The following KCNAB1 variants were observed in gnomAD, a reference collection of about 807,000 sequenced individuals.
KCNAB1 encodes the protein voltage-gated potassium channel subunit beta-1.
A neutral mutation model predicts 64.6 loss-of-function variants in KCNAB1; 35 were observed. That is an observed-to-expected ratio of 0.54 (90% CI 0.41 to 0.72). The LOEUF (loss-of-function observed/expected upper bound fraction) is 0.72. Among genes scored for constraint, KCNAB1 ranks in the 30% least tolerant of loss-of-function variants. The pLI is 0.00. For synonymous variants in KCNAB1, 177 were observed against 183.8 expected (o/e 0.96, Z 0.30); for missense variants, 401 against 512.9 (o/e 0.78, Z 2.11).
At chr3:156,431,169 A>G (rs774992546) in intron 2 of KCNAB1, among the ~76,000 whole-genome samples, 4 of 152,140 alleles carry the variant, frequency 2.6e-5, no homozygotes, top group Admixed American at 6.5e-5. Flanking sequence ...ACACTGCCCT[A>G]AAGGCTTCAC....
intron 1 of KCNAB1, among the ~76,000 whole-genome samples, chr3:156,370,063 C>G (rs964605487): frequency 1.3e-5 from 2 of 152,206 alleles, no homozygotes; most frequent in Non-Finnish European, 2.9e-5. Context: ...TTTCCACCCT[C>G]TGGACAGTTT....
At chr3:156,244,162 G>A (rs1405556270) in intron 1 of KCNAB1, among the ~76,000 whole-genome samples, 1 of 152,210 alleles carries the variant, frequency 6.6e-6, no homozygotes, top group African/African-American at 2.4e-5. Flanking sequence ...CTGGAGCTCA[G>A]TAGTCTAAAA....
chr3:156,221,073 T>G (rs1398052146), intron 1 of KCNAB1, among the ~76,000 whole-genome samples: 8 of 152,260 alleles, frequency 5.3e-5, no homozygotes, highest in Non-Finnish European at 1.2e-4. Flanking sequence ...TCCATTGGTC[T>G]ATATCTCTGT....
chr3:156,261,764 A>T (rs965236523), intron 1 of KCNAB1, among the ~76,000 whole-genome samples: 1 of 151,960 alleles, frequency 6.6e-6, no homozygotes, highest in Non-Finnish European at 1.5e-5. Context: ...GTTAATTTTT[A>T]CAAAAGCAGT....
chr3:156,212,622 C>A (rs1009010202), intron 1 of KCNAB1, among the ~76,000 whole-genome samples: 1 of 152,166 alleles, frequency 6.6e-6, no homozygotes, highest in African/African-American at 2.4e-5. Context: ...GATGACACTT[C>A]TGACTCCTAG....
At chr3:156,290,265 G>A (rs1303337468) in intron 1 of KCNAB1, among the ~76,000 whole-genome samples, 1 of 152,240 alleles carries the variant, frequency 6.6e-6, no homozygotes, top group Non-Finnish European at 1.5e-5. Flanking sequence ...TTGAGGAGGG[G>A]GACAGTGCTT....
chr3:156,239,081 A>G (rs1014511778), intron 1 of KCNAB1, among the ~76,000 whole-genome samples: 3 of 152,268 alleles, frequency 2.0e-5, no homozygotes, highest in Admixed American at 6.5e-5. Flanking sequence ...AAAAACCATA[A>G]TAAATTTGAA....
chr3:156,462,187 C>T (rs1712964277), intron 5 of KCNAB1, among the ~76,000 whole-genome samples: 1 of 152,244 alleles, frequency 6.6e-6, no homozygotes, highest in Non-Finnish European at 1.5e-5. Flanking sequence ...CTGTGGGAGT[C>T]AGTGACAATT....
intron 8 of KCNAB1, among the ~76,000 whole-genome samples, chr3:156,476,547 G>GCACA (rs1187608350): frequency 8.3e-6 from 1 of 120,874 alleles, no homozygotes; most frequent in East Asian, 2.6e-4. Flanking sequence ...ACACACACAC[G>GCACA]CACACACACA....
intron 6 of KCNAB1, among the ~76,000 whole-genome samples, chr3:156,464,709 G>A (rs944872531): frequency 6.6e-6 from 1 of 151,944 alleles, no homozygotes; most frequent in African/African-American, 2.4e-5. Flanking sequence ...ATGATATGAA[G>A]ACAGAAAGAT....
chr3:156,158,887 T>A (rs1228265627), intron 1 of KCNAB1, among the ~76,000 whole-genome samples: 5 of 152,190 alleles, frequency 3.3e-5, no homozygotes, highest in Admixed American at 1.3e-4. Flanking sequence ...ATTCTTTAGT[T>A]TTGATTGGAT....
chr3:156,140,745 A>G (rs1413120404), intron 1 of KCNAB1, among the ~76,000 whole-genome samples: 1 of 152,206 alleles, frequency 6.6e-6, no homozygotes, highest in Non-Finnish European at 1.5e-5. Context: ...CAGAAATCAC[A>G]AGGGGTGTGC....
At chr3:156,473,911 T>C (rs1714139413) in intron 7 of KCNAB1, among the ~76,000 whole-genome samples, 1 of 152,172 alleles carries the variant, frequency 6.6e-6, no homozygotes, top group Non-Finnish European at 1.5e-5. Context: ...TTGCATAATA[T>C]TATATACAAT....
intron 11 of KCNAB1, among the ~76,000 whole-genome samples, chr3:156,517,377 A>T (rs1717629655): frequency 6.6e-6 from 1 of 152,232 alleles, no homozygotes; most frequent in South Asian, 2.1e-4. Flanking sequence ...ATACAACATG[A>T]ATACGTCCTA....
At chr3:156,464,636 A>G (rs375223400) in intron 6 of KCNAB1, among the ~76,000 whole-genome samples, 2 of 152,158 alleles carry the variant, frequency 1.3e-5, no homozygotes, top group East Asian at 1.9e-4. Context: ...CAAAATGTCT[A>G]TGTGTATATA....
At chr3:156,491,346 A>G (rs1715614931) in intron 8 of KCNAB1, among the ~76,000 whole-genome samples, 1 of 152,116 alleles carries the variant, frequency 6.6e-6, no homozygotes, top group African/African-American at 2.4e-5. Context: ...TTGCCAGGAA[A>G]ACAAAAAGGA....
chr3:156,507,366 T>C (rs1716893721), intron 8 of KCNAB1, among the ~76,000 whole-genome samples: 1 of 152,104 alleles, frequency 6.6e-6, no homozygotes, highest in South Asian at 2.1e-4. Context: ...AAAAACAATG[T>C]CTCCTGCATC....
chr3:156,405,217 A>C (rs532932361), intron 1 of KCNAB1, among the ~76,000 whole-genome samples: 1 of 152,328 alleles, frequency 6.6e-6, no homozygotes, highest in East Asian at 1.9e-4. Flanking sequence ...ATTTGTCCAA[A>C]CCCTGAGAAG....
chr3:156,315,475 G>A (rs888317472), intron 1 of KCNAB1, among the ~76,000 whole-genome samples: 1 of 152,172 alleles, frequency 6.6e-6, no homozygotes, highest in African/African-American at 2.4e-5. Flanking sequence ...ATGACCTGAG[G>A]CTTTACAGAT....
Sources: gnomAD v4.1 joint callset for allele counts (sites outside exome capture counted in the v4.1 genomes callset) on GRCh38, gnomAD v4.1.1 for gene constraint, MANE v1.5 for transcripts, NCBI Gene and HGNC (gene_info 2026-07-23, HGNC 2026-07-21) for gene names.